CHRDL1: variants seen among roughly 807,000 people sequenced by gnomAD.
CHRDL1 encodes chordin-like protein 1.
In CHRDL1, 19 loss-of-function variants were observed where a neutral mutation model predicts 40.9. The observed-to-expected ratio is 0.46, with a 90% CI of 0.32 to 0.68. The LOEUF (loss-of-function observed/expected upper bound fraction) is 0.68, where lower values mean the gene tolerates loss of function less well. CHRDL1 is among the 30% of genes least tolerant of loss of function. CHRDL1 has a pLI of 0.03. For synonymous variants in CHRDL1, 136 were observed against 123.4 expected (o/e 1.10, Z -0.68); for missense variants, 329 against 352.1 (o/e 0.93, Z 0.53).
chrX:110,712,936 A>G lies in CHRDL1; in HGVS notation c.541+6899T>C, dbSNP rs1298381327. 2.7e-5 allele frequency among the ~76,000 whole-genome samples: 3 copies of G among 109,954 alleles called. No homozygotes were observed. In the South Asian group the frequency reaches 1.1e-3, roughly 42 times the overall value. The stretch of plus-strand genomic sequence containing the variant: ...ATTAGGGTATTATGTAGCATGTATA[A>G]TGTAGAAAGAACATTATAGACCCCT... On this transcript the variant is annotated intron_variant, in intron 6 of 11. Coordinates refer to ENST00000372042, the MANE Select transcript of CHRDL1 (RefSeq NM_001143981.2).
intron 4 of CHRDL1, among the ~76,000 whole-genome samples, chrX:110,746,891 T>C (rs1465934152): frequency 1.8e-5 from 2 of 111,869 alleles, no homozygotes; most frequent in Non-Finnish European, 3.8e-5. Context: ...ACTTTCTTGT[T>C]CACTGTCAAT....
intron 7 of CHRDL1, among the ~76,000 whole-genome samples, chrX:110,697,014 G>A (rs915192560): frequency 9.0e-6 from 1 of 111,381 alleles, no homozygotes; most frequent in African/African-American, 3.3e-5. Context: ...GGTTATTAAC[G>A]CCCTGAAGTT....
chrX:110,684,783 G>A (rs2069970273), intron 9 of CHRDL1, among the ~76,000 whole-genome samples: 1 of 112,632 alleles, frequency 8.9e-6, no homozygotes, highest in Non-Finnish European at 1.9e-5. Flanking sequence ...CAGTTGCAGA[G>A]TACCTGGAGC....
chrX:110,740,592 C>A (rs1328459290), intron 4 of CHRDL1, among the ~76,000 whole-genome samples: 1 of 112,345 alleles, frequency 8.9e-6, no homozygotes, highest in East Asian at 2.8e-4. Flanking sequence ...TAGGTTGCTA[C>A]TGCATCATAC....
intron 2 of CHRDL1, among the ~76,000 whole-genome samples, chrX:110,779,014 G>A (rs1405819768): frequency 9.0e-6 from 1 of 111,382 alleles, no homozygotes; most frequent in Non-Finnish European, 1.9e-5. Flanking sequence ...ACCAAATACT[G>A]CATGTTCTGA....
At chrX:110,738,495 C>A (rs1459061770) in intron 4 of CHRDL1, among the ~76,000 whole-genome samples, 5 of 111,198 alleles carry the variant, frequency 4.5e-5, no homozygotes, top group East Asian at 5.6e-4. Context: ...GTAATCCCAG[C>A]ACTTTGGGAG....
At chrX:110,757,401 G>A (rs367880698) in intron 4 of CHRDL1, among the ~76,000 whole-genome samples, 1 of 110,129 alleles carries the variant, frequency 9.1e-6, no homozygotes, top group Admixed American at 9.6e-5. Context: ...CGAAGAACCC[G>A]CAAAAGAACT....
At position 110,719,837 on chromosome X, in the gene CHRDL1, C is replaced by T. The variant is rs750461575; in HGVS notation, c.539G>A (p.Arg180Lys). The T allele has an allele frequency of 2.5e-6, 3 of 1,193,864 alleles. No individual in the cohort carries two copies. The highest frequency in any genetic ancestry group is 3.4e-6 in the Non-Finnish European group (3 of 879,641). ...SVPDSCCRVC[R>K]GDGELSWEHS... ...GTCTTGGGATATAACACACCTACCT[C>T]TGCATACCCGGCAGCAGGAATCTGG... The change falls in exon 6 of 12, where the codon AGA becomes AAA. Residue 180 changes from arginine to lysine, a missense_variant and splice_region_variant. Transcript: ENST00000372042.
At chrX:110,692,535 C>T (rs1603138101) in intron 8 of CHRDL1, among the ~76,000 whole-genome samples, 1 of 111,623 alleles carries the variant, frequency 9.0e-6, no homozygotes, top group East Asian at 2.8e-4. Flanking sequence ...TTTCAAAATC[C>T]ATTTCCCTAC....
chrX:110,755,042 C>T (rs1252625203), intron 4 of CHRDL1, among the ~76,000 whole-genome samples: 3 of 110,591 alleles, frequency 2.7e-5, no homozygotes, highest in Non-Finnish European at 5.7e-5. Flanking sequence ...TCCAGCATTA[C>T]CACTTCATTC....
In CHRDL1 at chrX:110,674,093, T is replaced by C. The variant is rs1049666778; in HGVS notation, c.*2138A>G. The C allele has an allele frequency of 2.7e-5, 3 of 111,538 alleles. No homozygotes were observed. Among genetic ancestry groups the C allele is most frequent in the Non-Finnish European group, 5.6e-5 (3 of 53,108 alleles). The allele number at this position is 111,538 out of a possible 1,213,427, so 9.2% of individuals were successfully genotyped here. ...AAATAAATACACAAGAAGAACCACA[T>C]CCATTCTTCTCTACTAACTACAGGC... On this transcript the variant is annotated 3_prime_UTR_variant, in exon 12 of 12. Transcript: ENST00000372042.
chrX:110,770,087 T>A (rs1235175953), intron 2 of CHRDL1, among the ~76,000 whole-genome samples: 2 of 111,977 alleles, frequency 1.8e-5, no homozygotes, highest in Non-Finnish European at 3.8e-5. Flanking sequence ...AGACAGAAAA[T>A]CTAGGTTTGA....
intron 2 of CHRDL1, among the ~76,000 whole-genome samples, chrX:110,779,376 TG>T (rs1282686841): frequency 6.4e-4 from 71 of 111,778 alleles, no homozygotes; most frequent in African/African-American, 2.3e-3. Context: ...GAGTAAATGT[TG>T]GTGAAGGGTG....
chrX:110,760,529 CT>C (rs1286085142), intron 3 of CHRDL1, among the ~76,000 whole-genome samples: 2 of 112,115 alleles, frequency 1.8e-5, no homozygotes, highest in East Asian at 5.6e-4. Flanking sequence ...TAGAAAATGC[CT>C]TGTGCTTGAG....
At chrX:110,791,825 G>A (rs776577272) in intron 2 of CHRDL1, among the ~76,000 whole-genome samples, 203 of 112,077 alleles carry the variant, frequency 1.8e-3, no homozygotes, top group South Asian at 0.012. Flanking sequence ...GTTTAGAACA[G>A]GGAAGAGAAA....
At chrX:110,699,682 T>G (rs761502825) in intron 7 of CHRDL1, among the ~76,000 whole-genome samples, 1 of 112,338 alleles carries the variant, frequency 8.9e-6, no homozygotes, top group East Asian at 2.8e-4. Flanking sequence ...GAAGTGATAG[T>G]GTACAATTTC....
intron 2 of CHRDL1, among the ~76,000 whole-genome samples, chrX:110,771,494 G>T (rs1196293104): frequency 3.6e-5 from 4 of 112,149 alleles, no homozygotes; most frequent in Non-Finnish European, 3.8e-5. Flanking sequence ...ATGAGCAAGT[G>T]GGGCTTATCC....
intron 2 of CHRDL1, among the ~76,000 whole-genome samples, chrX:110,791,810 G>T (rs897491610): frequency 2.7e-5 from 3 of 111,832 alleles, no homozygotes; most frequent in Non-Finnish European, 5.6e-5. Flanking sequence ...AATGAGATTT[G>T]TATAGTTTAG....
intron 10 of CHRDL1, among the ~76,000 whole-genome samples, chrX:110,681,157 C>T (rs1402968994): frequency 9.0e-6 from 1 of 111,236 alleles, no homozygotes; most frequent in Non-Finnish European, 1.9e-5. Flanking sequence ...GGGGGTAGGG[C>T]CCAGATATTT....
Sources: gnomAD v4.1 joint callset for allele counts (sites outside exome capture counted in the v4.1 genomes callset) on GRCh38, gnomAD v4.1.1 for gene constraint, MANE v1.5 for transcripts, NCBI Gene and HGNC (gene_info 2026-07-23, HGNC 2026-07-21) for gene names.